KCND3: variants seen among roughly 807,000 people sequenced by gnomAD.
KCND3 encodes A-type voltage-gated potassium channel KCND3.
In KCND3, 9 loss-of-function variants were observed where a neutral mutation model predicts 51.1. That is an observed-to-expected ratio of 0.18 (90% CI 0.11 to 0.31). The LOEUF is 0.31. Ranked by LOEUF, KCND3 falls within the 10% of genes least tolerant of loss-of-function variation. The pLI is 1.00. For synonymous variants in KCND3, 349 were observed against 368.0 expected (o/e 0.95, Z 0.59); for missense variants, 526 against 903.8 (o/e 0.58, Z 5.36).
intron 2 of KCND3, among the ~76,000 whole-genome samples, chr1:111,804,896 C>T (rs534540879): frequency 6.6e-6 from 1 of 152,338 alleles, no homozygotes; most frequent in South Asian, 2.1e-4. Flanking sequence ...TGCTGCCCTT[C>T]AGTGAGGGCG....
At chr1:111,950,812 C>A (rs1230423581) in intron 2 of KCND3, among the ~76,000 whole-genome samples, 1 of 152,136 alleles carries the variant, frequency 6.6e-6, no homozygotes, top group Non-Finnish European at 1.5e-5. Flanking sequence ...AAGAGGACCC[C>A]AAGTTTCTGG....
At chr1:111,800,652 A>G (rs1356472818) in intron 2 of KCND3, among the ~76,000 whole-genome samples, 1 of 152,036 alleles carries the variant, frequency 6.6e-6, no homozygotes, top group African/African-American at 2.4e-5. Context: ...GCATTGGCTC[A>G]GAGTGTGGTC....
chr1:111,884,824 A>T (rs72692581), intron 2 of KCND3, among the ~76,000 whole-genome samples: 15,378 of 152,164 alleles, frequency 0.1, 798 homozygotes, highest in East Asian at 0.17. Context: ...ACTTAAAAAA[A>T]TTTTTTGGTA....
chr1:111,974,120 T>C (rs1390932147), intron 2 of KCND3, among the ~76,000 whole-genome samples: 1 of 152,132 alleles, frequency 6.6e-6, no homozygotes, highest in African/African-American at 2.4e-5. Flanking sequence ...TCATTTGCAT[T>C]GAGCTAGTTG....
intron 2 of KCND3, among the ~76,000 whole-genome samples, chr1:111,910,523 C>T (rs1670887201): frequency 6.6e-6 from 1 of 152,184 alleles, no homozygotes; most frequent in Admixed American, 6.5e-5. Context: ...TCCAATTACC[C>T]ACAGTGACAG....
intron 2 of KCND3, among the ~76,000 whole-genome samples, chr1:111,921,939 A>G (rs1671493156): frequency 6.6e-6 from 1 of 152,224 alleles, no homozygotes. Flanking sequence ...TAGCTATCCC[A>G]GTGGTAGGGA....
intron 2 of KCND3, among the ~76,000 whole-genome samples, chr1:111,803,369 C>T (rs1236297845): frequency 6.6e-6 from 1 of 152,218 alleles, no homozygotes; most frequent in East Asian, 1.9e-4. Flanking sequence ...GTCTCTGCCT[C>T]TCTCAGATCC....
rs763074483 is a variant in KCND3, at chr1:111,982,728, G to A, written c.-2C>T. 6.2e-7 allele frequency: 1 copy of A among 1,602,084 alleles called. No individual in the cohort carries two copies. The highest frequency in any genetic ancestry group is 2.2e-5 in the East Asian group (1 of 44,788). On this transcript the variant is annotated 5_prime_UTR_variant, in exon 2 of 8. Coordinates refer to ENST00000302127, the MANE Select transcript of KCND3 (RefSeq NM_001378969.1). The surrounding 1 kb of genome is among the most constrained non-coding windows in gnomAD (Gnocchi z 8.5). ...CCAGGCCGCAACTCCGGCCGCCATGGTGACTCCAGCTCTTGGGCCGGCAGC... is the reference window on the plus strand; with the variant it reads ...CCAGGCCGCAACTCCGGCCGCCATGATGACTCCAGCTCTTGGGCCGGCAGC...
intron 2 of KCND3, among the ~76,000 whole-genome samples, chr1:111,857,613 G>A (rs1037569393): frequency 5.3e-4 from 80 of 151,620 alleles, no homozygotes. Flanking sequence ...CCCTCCAGGG[G>A]ACTCCAGCTG....
At position 111,866,403 on chromosome 1, in the gene KCND3, C is replaced by T. The variant is rs148476428; in HGVS notation, c.1107-79297G>A. On this transcript the variant is annotated intron_variant, in intron 2 of 7. Coordinates refer to ENST00000302127, the MANE Select transcript of KCND3 (RefSeq NM_001378969.1). ...CCTCAGCCTTCTGAGTAGCTGGGAC[C>T]ATAGGAGTGCGCCACCATGCCCAGT... 4.4e-3 allele frequency among the ~76,000 whole-genome samples: 661 copies of T among 151,218 alleles called. 4 individuals are homozygous for T. The highest frequency in any genetic ancestry group is 0.015 in the African/African-American group (637 of 41,148).
chr1:111,952,684 C>G (rs555735166), intron 2 of KCND3, among the ~76,000 whole-genome samples: 1 of 152,060 alleles, frequency 6.6e-6, no homozygotes. Flanking sequence ...AGGGAGATGC[C>G]GAAGGATGGA....
chr1:111,909,565 T>C (rs1395596022), intron 2 of KCND3: 1 of 152,186 alleles, frequency 6.6e-6, no homozygotes, highest in East Asian at 1.9e-4. Context: ...GAAGGATATA[T>C]GGGAGTTAGT....
chr1:111,885,480 C>T (rs1460073524), intron 2 of KCND3, among the ~76,000 whole-genome samples: 1 of 152,148 alleles, frequency 6.6e-6, no homozygotes, highest in Non-Finnish European at 1.5e-5. Flanking sequence ...ACTACACATT[C>T]CCATTTGTGT....
chr1:111,892,202 C>A (rs1037930300), intron 2 of KCND3, among the ~76,000 whole-genome samples: 1 of 152,184 alleles, frequency 6.6e-6, no homozygotes, highest in Non-Finnish European at 1.5e-5. Context: ...GCAACACAGG[C>A]TGAGGCCTGG....
intron 2 of KCND3, among the ~76,000 whole-genome samples, chr1:111,912,031 G>A (rs1487561563): frequency 1.3e-5 from 2 of 152,202 alleles, no homozygotes; most frequent in Non-Finnish European, 1.5e-5. Context: ...TCTGAAAGGG[G>A]ATCCACTTAA....
chr1:111,817,453 C>A (rs1434168692), intron 2 of KCND3, among the ~76,000 whole-genome samples: 1 of 152,174 alleles, frequency 6.6e-6, no homozygotes, highest in Non-Finnish European at 1.5e-5. Context: ...CAATGTTTAA[C>A]ATAGCATTGT....
chr1:111,859,573 G>A (rs563754515), intron 2 of KCND3, among the ~76,000 whole-genome samples: 1 of 152,306 alleles, frequency 6.6e-6, no homozygotes, highest in South Asian at 2.1e-4. Context: ...CATTGTTTGA[G>A]TCTGGACAGT....
At chr1:111,929,600 G>A (rs1335159536) in intron 2 of KCND3, among the ~76,000 whole-genome samples, 1 of 152,164 alleles carries the variant, frequency 6.6e-6, no homozygotes, top group African/African-American at 2.4e-5. Flanking sequence ...TTCTCCCATA[G>A]TACCAGAAAG....
At chr1:111,813,530 G>A (rs2101579581) in intron 2 of KCND3, among the ~76,000 whole-genome samples, 1 of 152,302 alleles carries the variant, frequency 6.6e-6, no homozygotes, top group Middle Eastern at 3.4e-3. Flanking sequence ...GGAGTCAACA[G>A]AGGCTGCCAT....
Sources: gnomAD v4.1 joint callset for allele counts (sites outside exome capture counted in the v4.1 genomes callset) on GRCh38, gnomAD v4.1.1 for gene constraint, Gnocchi (gnomAD v3.1) non-coding constraint, MANE v1.5 for transcripts, NCBI Gene and HGNC (gene_info 2026-07-23, HGNC 2026-07-21) for gene names.